Variants in FZD3 observed in about 807,000 individuals in gnomAD.
The protein encoded by FZD3 is frizzled class receptor 3, also known as frizzled-3.
FZD3 carries 30 observed loss-of-function variants against 60.7 expected under a neutral mutation model. That is an observed-to-expected ratio of 0.49 (90% CI 0.37 to 0.67). FZD3 has a LOEUF of 0.67. Ranked by LOEUF, FZD3 falls within the 30% of genes least tolerant of loss-of-function variation. FZD3 has a pLI of 0.00. For synonymous variants in FZD3, 246 were observed against 275.2 expected (o/e 0.89, Z 1.05); for missense variants, 605 against 838.7 (o/e 0.72, Z 3.44).
At chr8:28,512,487 A>AT (rs879711314) in intron 3 of FZD3, among the ~76,000 whole-genome samples, 31 of 145,202 alleles carry the variant, frequency 2.1e-4, no homozygotes, top group East Asian at 6.1e-4. Context: ...TCTGTTCTTC[A>AT]TTTTTTTTTT....
At position 28,520,776 on chromosome 8, in the gene FZD3, T is replaced by C; in HGVS notation, c.328T>C (p.Cys110Arg). 2 of 1,610,256 alleles carry C rather than the reference T, an allele frequency of 1.2e-6. No homozygotes were observed. Among genetic ancestry groups the C allele is most frequent in the Non-Finnish European group, 1.7e-6 (2 of 1,177,908 alleles). ...GCTGTGTCAGCGGGCTTACAGTGAG[T>C]GTTCGAAGCTCATGGAGATGTTTGG... ...RRLCQRAYSE[C>R]SKLMEMFGVP... The change falls in exon 4 of 8, where the codon TGT becomes CGT. Residue 110 changes from cysteine to arginine, a missense_variant. Cys to Arg is a radical substitution (Grantham distance 180). Transcript: ENST00000240093.
At position 28,562,856 on chromosome 8, in the gene FZD3, C is replaced by T. The variant is rs770707567; in HGVS notation, c.1846C>T (p.Arg616Ter). ...EERLPHGSMS[R>*]LTDHSRHSSS... ...GAGACTACCTCATGGCAGCATGTCACGACTAACAGATCACTCCAGGCATAG... is the reference window on the plus strand; with the variant it reads ...GAGACTACCTCATGGCAGCATGTCATGACTAACAGATCACTCCAGGCATAG... The change falls in exon 8 of 8, where the codon CGA becomes TGA. Residue 616 changes from arginine (R) to a stop codon, truncating the protein, a stop_gained. Transcript: ENST00000240093. LOFTEE classifies it high-confidence loss of function. The T allele has an allele frequency of 1.9e-6, 3 of 1,613,396 alleles. No homozygotes were observed. Among genetic ancestry groups the T allele is most frequent in the Admixed American group, 1.7e-5 (1 of 59,986 alleles).
chr8:28,559,485 CATATAT>C (rs140387684), intron 7 of FZD3, among the ~76,000 whole-genome samples: 4 of 151,124 alleles, frequency 2.6e-5, no homozygotes, highest in African/African-American at 9.7e-5. Flanking sequence ...CAGTACTAGG[CATATAT>C]ATATATAGTA....
chr8:28,501,984 TA>T (rs2130270991), intron 2 of FZD3, among the ~76,000 whole-genome samples: 1 of 152,332 alleles, frequency 6.6e-6, no homozygotes, highest in African/African-American at 2.4e-5. Context: ...AGCATTTGTA[TA>T]AACTAATTCA....
chr8:28,510,903 G>T, intron 3 of FZD3, among the ~76,000 whole-genome samples: 1 of 151,612 alleles, frequency 6.6e-6, no homozygotes, highest in East Asian at 1.9e-4. Context: ...CGGGCGTGGT[G>T]GTGGGCACAT....
chr8:28,495,842 A>G (rs770950533), intron 1 of FZD3, among the ~76,000 whole-genome samples: 32 of 152,028 alleles, frequency 2.1e-4, no homozygotes, highest in Non-Finnish European at 4.3e-4. Context: ...CCTTTCTTCT[A>G]CCATACCCCC....
rs116880729 is a variant in FZD3, at chr8:28,510,285, A to G, written c.189+7083A>G. Among the ~76,000 whole-genome samples the G allele has an allele frequency of 5.8e-3, 877 of 152,284 alleles. 6 individuals are homozygous for G. The highest frequency in any genetic ancestry group is 0.01 in the Middle Eastern group (3 of 294). On this transcript the variant is annotated intron_variant, in intron 3 of 7. Coordinates refer to ENST00000240093, the MANE Select transcript of FZD3 (RefSeq NM_017412.4). ...GTGTTTCTGGTCTTTTACTGTTACA[A>G]TGTTGCAAGTGTGTTTTCACATTTT... is the stretch of plus-strand genomic sequence containing the variant.
intron 4 of FZD3, among the ~76,000 whole-genome samples, chr8:28,526,192 TACAC>T (rs10685591): frequency 6.6e-6 from 1 of 150,940 alleles, no homozygotes; most frequent in Non-Finnish European, 1.5e-5. Flanking sequence ...TTAATGTTTA[TACAC>T]ACACACACAC....
intron 3 of FZD3, among the ~76,000 whole-genome samples, chr8:28,520,069 G>C (rs1056924278): frequency 6.6e-6 from 1 of 151,892 alleles, no homozygotes; most frequent in African/African-American, 2.4e-5. Context: ...TATTATCTGG[G>C]CATGGTGGTG....
rs1241729194 is a variant in FZD3, at chr8:28,573,362, A to G, written c.*10351A>G. 6.6e-6 allele frequency: 1 copy of G among 152,086 alleles called. No individual in the cohort carries two copies. Among genetic ancestry groups the G allele is most frequent in the Non-Finnish European group, 1.5e-5 (1 of 67,992 alleles). 9.4% of individuals were successfully genotyped at this position (152,086 alleles called of 1,614,324 possible). ...TCAGTGAGTAGAATCTTAAGCTTTA[A>G]AACAAAAGTGGAAATAATTTAAATT... On this transcript the variant is annotated 3_prime_UTR_variant, in exon 8 of 8. Coordinates refer to ENST00000240093, the MANE Select transcript of FZD3 (RefSeq NM_017412.4).
rs2130375887 is a variant in FZD3 at position 28,527,862 on chromosome 8, G to A, written c.1102G>A (p.Val368Ile). 4 of 1,614,098 alleles carry A rather than the reference G, an allele frequency of 2.5e-6. No individual in the cohort carries two copies. Among genetic ancestry groups the A allele is most frequent in the Non-Finnish European group, 3.4e-6 (4 of 1,179,982 alleles). ...CGTGTGTTTTGTTGGCCTCTACGATGTTGATGCATTGAGATATTTTGTTCT... is the reference window on the plus strand; with the variant it reads ...CGTGTGTTTTGTTGGCCTCTACGATATTGATGCATTGAGATATTTTGTTCT... ...SGVCFVGLYD[V>I]DALRYFVLAP... Residue 368 changes from valine (V) to isoleucine (I), a missense_variant, in exon 5 of 8, where the codon GTT (valine) becomes ATT (isoleucine). By Grantham distance (29) the Val-to-Ile change is conservative. Transcript: ENST00000240093. The surrounding 1 kb of genome is among the most constrained non-coding windows in gnomAD (Gnocchi z 5.0).
intron 5 of FZD3, among the ~76,000 whole-genome samples, chr8:28,535,381 T>C (rs1234743761): frequency 2.0e-5 from 3 of 152,244 alleles, no homozygotes; most frequent in South Asian, 4.1e-4. Context: ...TATAATTGGC[T>C]AACCAATAGT....
At position 28,573,042 on chromosome 8, in the gene FZD3, G is replaced by T. The variant is rs1206370146; in HGVS notation, c.*10031G>T. 3.3e-5 allele frequency: 5 copies of T among 152,078 alleles called. No individual in the cohort carries two copies. The highest frequency in any genetic ancestry group is 1.2e-4 in the African/African-American group (5 of 41,430). The allele number at this position is 152,078 out of a possible 1,614,324, so 9.4% of individuals were successfully genotyped here. ...GTTTTGGATAAATTTTTATAGTGGAGAAAGGTTACTTTGATCTCTCAATAA... is the reference window on the plus strand; with the variant it reads ...GTTTTGGATAAATTTTTATAGTGGATAAAGGTTACTTTGATCTCTCAATAA... On this transcript the variant is annotated 3_prime_UTR_variant, in exon 8 of 8. Coordinates refer to ENST00000240093, the MANE Select transcript of FZD3 (RefSeq NM_017412.4).
chr8:28,541,393 A>C (rs1250376965), intron 5 of FZD3, among the ~76,000 whole-genome samples: 1 of 152,202 alleles, frequency 6.6e-6, no homozygotes, highest in Non-Finnish European at 1.5e-5. Flanking sequence ...CTGTCTTCCA[A>C]ATCTTCTTGC....
intron 3 of FZD3, among the ~76,000 whole-genome samples, chr8:28,516,622 C>T (rs919023404): frequency 2.0e-5 from 3 of 151,938 alleles, no homozygotes; most frequent in Non-Finnish European, 1.5e-5. Context: ...AAATTTATTC[C>T]TATTTATTAT....
chr8:28,505,086 C>T (rs1563381288), intron 3 of FZD3: 1 of 154,684 alleles, frequency 6.5e-6, no homozygotes, highest in South Asian at 2.0e-4. Flanking sequence ...TAATCAAACA[C>T]AGTTTGAGAG....
chr8:28,515,284 C>A (rs1218938994), intron 3 of FZD3, among the ~76,000 whole-genome samples: 4 of 152,120 alleles, frequency 2.6e-5, no homozygotes, highest in South Asian at 2.1e-4. Flanking sequence ...CTTGTCTCCT[C>A]AGAAGAATTC....
intron 3 of FZD3, among the ~76,000 whole-genome samples, chr8:28,505,438 A>C (rs937095051): frequency 3.3e-5 from 5 of 151,962 alleles, no homozygotes; most frequent in Non-Finnish European, 1.5e-5. Context: ...CACAGCCTCA[A>C]CCTCCCAGGC....
In FZD3 at chr8:28,551,901, C is replaced by A. The variant is rs546501501; in HGVS notation, c.1553+150C>A. 14 of 654,482 alleles carry A rather than the reference C, an allele frequency of 2.1e-5. No individual in the cohort carries two copies. In the East Asian group the frequency reaches 4.2e-4, roughly 19 times the overall value. The allele number at this position is 654,482 out of a possible 1,614,324, so 40.5% of individuals were successfully genotyped here. ...TATCCAGTTATGATTGGCACAGTAG[C>A]ATGTCTTAATTTAAAACTAAAAACT... On this transcript the variant is annotated intron_variant, in intron 6 of 7. Coordinates refer to ENST00000240093, the MANE Select transcript of FZD3 (RefSeq NM_017412.4).
Sources: gnomAD v4.1 joint callset for allele counts (sites outside exome capture counted in the v4.1 genomes callset) on GRCh38, gnomAD v4.1.1 for gene constraint, Gnocchi (gnomAD v3.1) non-coding constraint, MANE v1.5 for transcripts, NCBI Gene and HGNC (gene_info 2026-07-23, HGNC 2026-07-21) for gene names.